ARHGAP21: variants seen among roughly 807,000 people sequenced by gnomAD.
ARHGAP21 encodes the protein Rho GTPase activating protein 21.
In ARHGAP21, 38 loss-of-function variants were observed where a neutral mutation model predicts 164.6. That is an observed-to-expected ratio of 0.23 (90% confidence interval 0.18 to 0.30). The LOEUF (loss-of-function observed/expected upper bound fraction) is 0.30. Among genes scored for constraint, ARHGAP21 ranks in the 10% least tolerant of loss-of-function variants. ARHGAP21 has a pLI of 1.00. For missense variants in ARHGAP21, 1,822 were observed against 2,370.7 expected, an observed-to-expected ratio of 0.77 and a Z score of 4.81; for synonymous variants, 766 against 857.9, an observed-to-expected ratio of 0.89 and a Z score of 1.87.
chr10:24,702,956 A>G (rs945556323), intron 2 of ARHGAP21, among the ~76,000 whole-genome samples: 1 of 152,206 alleles, frequency 6.6e-6, no homozygotes, highest in Admixed American at 6.5e-5. Context: ...TAAATGTTCA[A>G]CAGATAAATG....
chr10:24,720,016 T>C (rs561123300), intron 2 of ARHGAP21, among the ~76,000 whole-genome samples: 16 of 152,296 alleles, frequency 1.1e-4, no homozygotes, highest in African/African-American at 3.6e-4. Flanking sequence ...ATACTGTATA[T>C]ATATTTCACA....
intron 1 of ARHGAP21, among the ~76,000 whole-genome samples, chr10:24,722,993 G>A (rs967902687): frequency 4.6e-5 from 7 of 151,920 alleles, no homozygotes; most frequent in Non-Finnish European, 8.8e-5. Context: ...GGCCACCTAG[G>A]GGGAAAAAAC....
rs780858333 is a variant in ARHGAP21 at position 24,620,580 on chromosome 10, G to A, written c.1315C>T (p.Arg439Cys). 1.1e-5 allele frequency: 18 copies of A among 1,614,056 alleles called. No individual in the cohort carries two copies. Among genetic ancestry groups the A allele is most frequent in the Middle Eastern group, 1.6e-4 (1 of 6,084 alleles). The change falls in exon 9 of 26, where the codon CGT becomes TGT. Residue 439 changes from arginine (R) to cysteine (C), a missense_variant. Arg to Cys is a radical substitution (Grantham distance 180). Coordinates refer to ENST00000396432, the MANE Select transcript of ARHGAP21 (RefSeq NM_020824.4). The stretch of plus-strand genomic sequence containing the variant: ...ACTCGATCATGAGAGGTGCTTCGAC[G>A]TCGTCCCTGCAAAGTAGTGCGGTTG... ...VPNRTTLQGR[R>C]RSTSHDRVPQ...
At chr10:24,629,003 T>A (rs1835568783) in intron 7 of ARHGAP21, 1 of 85,354 alleles carries the variant, frequency 1.2e-5, no homozygotes, top group Non-Finnish European at 2.2e-5. Context: ...TTTTTTTTTT[T>A]TTTTTTTTTT....
rs931107675 is a variant in ARHGAP21, at chr10:24,589,119, A to G, written c.4182+152T>C. On this transcript the variant is annotated intron_variant, in intron 25 of 25. Coordinates refer to ENST00000396432, the MANE Select transcript of ARHGAP21 (RefSeq NM_020824.4). ...CAACTCAAAATCTAGTATTCTTCTT[A>G]TCATATATTGTTTTAGGAATTAATT... 1.4e-5 allele frequency: 10 copies of G among 712,536 alleles called. No individual in the cohort carries two copies. The Admixed American group carries it at 2.7e-4, about 20-fold the overall frequency. The allele number at this position is 712,536 out of a possible 1,614,324, so 44.1% of individuals were successfully genotyped here. A position where few individuals can be genotyped will look rare whatever the true frequency, so the allele number is the denominator to read the frequency against.
intron 2 of ARHGAP21, among the ~76,000 whole-genome samples, chr10:24,710,596 G>GC (rs1844685301): frequency 2.1e-5 from 1 of 46,758 alleles, no homozygotes; most frequent in African/African-American, 1.8e-4. Context: ...TTTTTATGCT[G>GC]CGCACCCTCA....
chr10:24,658,233 T>C (rs542054678), intron 4 of ARHGAP21, among the ~76,000 whole-genome samples: 1 of 152,172 alleles, frequency 6.6e-6, no homozygotes, highest in African/African-American at 2.4e-5. Context: ...GGTGGGATTG[T>C]AAACTAGTTC....
chr10:24,617,246 C>G (rs531742500), intron 9 of ARHGAP21, among the ~76,000 whole-genome samples: 95 of 152,186 alleles, frequency 6.2e-4, no homozygotes, highest in Non-Finnish European at 1.1e-3. Context: ...TATTTCTATA[C>G]TTCATAACTA....
Position 24,607,483 on chromosome 10 carries a change from T to TAA in ARHGAP21, c.2684+15_2684+16insTT. The stretch of plus-strand genomic sequence containing the variant: ...ACCCACATACAAATATTTAAAATAA[T>TAA]ACACCCGAGACTTACAATTTTGCAT... On this transcript the variant is annotated intron_variant, in intron 11 of 25. Transcript: ENST00000396432. The TAA allele has an allele frequency of 6.2e-7, 1 of 1,603,182 alleles. No homozygotes were observed. Among genetic ancestry groups the TAA allele is most frequent in the Non-Finnish European group, 8.5e-7 (1 of 1,171,930 alleles).
chr10:24,709,622 C>T (rs963968654), intron 2 of ARHGAP21, among the ~76,000 whole-genome samples: 1 of 151,916 alleles, frequency 6.6e-6, no homozygotes, highest in Admixed American at 6.6e-5. Context: ...TGCCTGTAGT[C>T]CCAGCTACTC....
chr10:24,710,823 C>T lies in ARHGAP21; in HGVS notation c.63+11014G>A, dbSNP rs1031757197. On this transcript the variant is annotated intron_variant, in intron 2 of 25. Transcript: ENST00000396432. ...AATCTCAGTAAGAAAGTAGCTGGTG[C>T]GGTGACTCCCGCCTTTAATCCCAGC... Among the ~76,000 whole-genome samples the T allele has an allele frequency of 2.6e-5, 4 of 152,210 alleles. No homozygotes were observed. In the South Asian group the frequency reaches 8.3e-4, roughly 32 times the overall value.
At chr10:24,634,163 A>G (rs1252659621) in intron 5 of ARHGAP21, among the ~76,000 whole-genome samples, 2 of 151,886 alleles carry the variant, frequency 1.3e-5, no homozygotes, top group African/African-American at 4.8e-5. Context: ...GATACATTCT[A>G]AAGAAATCCC....
intron 25 of ARHGAP21, among the ~76,000 whole-genome samples, 189 bp from the exon 26 acceptor site, chr10:24,586,295 G>T (rs1276602036): frequency 2.6e-5 from 4 of 151,522 alleles, no homozygotes; most frequent in African/African-American, 9.7e-5. Flanking sequence ...TTTATTTAAT[G>T]AGTCCAATTT....
intron 2 of ARHGAP21, among the ~76,000 whole-genome samples, chr10:24,686,718 C>T (rs142025130): frequency 5.9e-5 from 9 of 152,258 alleles, no homozygotes; most frequent in South Asian, 2.1e-4. Flanking sequence ...TGAACATGCA[C>T]GCAAGCAGTT....
chr10:24,668,630 T>TG (rs1840414281), intron 3 of ARHGAP21, among the ~76,000 whole-genome samples: 1 of 152,190 alleles, frequency 6.6e-6, no homozygotes, highest in Non-Finnish European at 1.5e-5. Context: ...GTTTTGGTCT[T>TG]TATTTACAAG....
chr10:24,705,791 A>G (rs370155798), intron 2 of ARHGAP21, among the ~76,000 whole-genome samples: 3 of 152,234 alleles, frequency 2.0e-5, no homozygotes, highest in East Asian at 3.8e-4. Context: ...AGATTCACTG[A>G]TAACTGGAAC....
chr10:24,608,869 A>C (rs1030534201), intron 9 of ARHGAP21, among the ~76,000 whole-genome samples: 1 of 152,218 alleles, frequency 6.6e-6, no homozygotes, highest in Non-Finnish European at 1.5e-5. Flanking sequence ...GTTTACTATT[A>C]TGTCAGTAAG....
chr10:24,692,787 G>T (rs1842854919), intron 2 of ARHGAP21, among the ~76,000 whole-genome samples: 2 of 151,688 alleles, frequency 1.3e-5, no homozygotes, highest in Admixed American at 6.6e-5. Context: ...AGCAGAGATT[G>T]TGCCACTGCA....
intron 3 of ARHGAP21, 35 bp downstream of exon 3, chr10:24,670,182 GT>G (rs534516359): frequency 1.5e-4 from 213 of 1,430,264 alleles, no homozygotes; most frequent in South Asian, 2.1e-4. Context: ...TGGCCTTGTG[GT>G]TTTTTTTTCA....
Sources: gnomAD v4.1 joint callset for allele counts (sites outside exome capture counted in the v4.1 genomes callset) on GRCh38, gnomAD v4.1.1 for gene constraint, MANE v1.5 for transcripts, NCBI Gene and HGNC (gene_info 2026-07-23, HGNC 2026-07-21) for gene names.